Variants in NHSL3 observed in about 807,000 individuals in gnomAD.
The protein encoded by NHSL3 is NHS-like protein 3.
chr1:32,765,702 G>T, the NHSL3 span: 1 of 1,541,896 alleles, frequency 6.5e-7, no homozygotes, highest in Non-Finnish European at 8.7e-7. Context: ...TACAGTGAAG[G>T]TACGCCCCGC....
the NHSL3 span, among the ~76,000 whole-genome samples, chr1:32,761,296 C>T: frequency 3.3e-5 from 5 of 152,136 alleles, no homozygotes; most frequent in African/African-American, 1.2e-4. Context: ...CCTCCCCAAG[C>T]GAGCCACAGG....
the NHSL3 span, among the ~76,000 whole-genome samples, chr1:32,766,096 C>T: frequency 6.6e-6 from 1 of 152,062 alleles, no homozygotes; most frequent in Non-Finnish European, 1.5e-5. Context: ...GCCTCCCTGC[C>T]GGGGTACCCA....
the NHSL3 span, chr1:32,772,488 AG>A: frequency 6.6e-7 from 1 of 1,505,052 alleles, no homozygotes; most frequent in Admixed American, 2.3e-5. Flanking sequence ...GATGATGGGA[AG>A]TAGGAATCTG....
chr1:32,768,669 G>A, the NHSL3 span: 226 of 1,614,010 alleles, frequency 1.4e-4, 1 homozygote, highest in East Asian at 3.3e-4. Flanking sequence ...GGACGGGGCC[G>A]GATGAAGACA....
At chr1:32,772,132 C>G in the NHSL3 span, 1 of 1,613,232 alleles carries the variant, frequency 6.2e-7, no homozygotes. Flanking sequence ...GCAGCTGGAG[C>G]GGCCCGTGTC....
the NHSL3 span, among the ~76,000 whole-genome samples, chr1:32,752,947 AC>A: frequency 4.9e-4 from 1 of 2,028 alleles, no homozygotes. Context: ...ACACACACAC[AC>A]ACATATATAT....
the NHSL3 span, chr1:32,771,407 C>A: frequency 6.3e-7 from 1 of 1,589,360 alleles, no homozygotes; most frequent in Non-Finnish European, 8.6e-7. Context: ...CCCCCACCAC[C>A]CACTAAGAAG....
At chr1:32,752,799 G>C in the NHSL3 span, among the ~76,000 whole-genome samples, 5 of 147,606 alleles carry the variant, frequency 3.4e-5, no homozygotes, top group Non-Finnish European at 7.5e-5. Flanking sequence ...GGCTAGTCTC[G>C]AACTCCTGAC....
At chr1:32,771,102 C>T in the NHSL3 span, 1 of 1,613,790 alleles carries the variant, frequency 6.2e-7, no homozygotes, top group Non-Finnish European at 8.5e-7. Flanking sequence ...CTGACCCAGC[C>T]CCCTCAGACC....
the NHSL3 span, among the ~76,000 whole-genome samples, chr1:32,742,783 G>A: frequency 5.9e-5 from 9 of 152,300 alleles, no homozygotes; most frequent in East Asian, 1.7e-3. Flanking sequence ...TCACCTCCTG[G>A]GGTAGTGAGC....
chr1:32,766,104 C>G, the NHSL3 span, among the ~76,000 whole-genome samples: 1 of 152,158 alleles, frequency 6.6e-6, no homozygotes, highest in East Asian at 1.9e-4. Flanking sequence ...GCCGGGGTAC[C>G]CACACTTTAC....
chr1:32,742,844 T>C, the NHSL3 span, among the ~76,000 whole-genome samples: 1 of 152,292 alleles, frequency 6.6e-6, no homozygotes, highest in East Asian at 1.9e-4. Context: ...CTTCCAGCCC[T>C]GGAGAAACAT....
At chr1:32,753,874 C>T in the NHSL3 span, 2 of 192,896 alleles carry the variant, frequency 1.0e-5, no homozygotes, top group Non-Finnish European at 1.1e-5. Context: ...CCGGGAGGGG[C>T]GGAGCCGACG....
At chr1:32,763,207 C>T in the NHSL3 span, among the ~76,000 whole-genome samples, 19 of 151,958 alleles carry the variant, frequency 1.3e-4, no homozygotes, top group African/African-American at 4.4e-4. Flanking sequence ...TGGTCTTGAA[C>T]TCCTGACCTC....
the NHSL3 span, chr1:32,768,767 A>G: frequency 3.1e-6 from 5 of 1,613,738 alleles, no homozygotes; most frequent in African/African-American, 1.3e-5. Context: ...GAGATGATCC[A>G]GCGCAAAGGT....
At chr1:32,768,838 T>G in the NHSL3 span, 1 of 1,570,202 alleles carries the variant, frequency 6.4e-7, no homozygotes, top group Non-Finnish European at 8.7e-7. Context: ...CTGTAGCTTC[T>G]TTTCCTCCTT....
the NHSL3 span, chr1:32,754,160 G>A: frequency 1.4e-6 from 1 of 711,756 alleles, no homozygotes; most frequent in Non-Finnish European, 2.6e-6. Context: ...CGGTTCGGGC[G>A]GTCGGCGAAG....
the NHSL3 span, chr1:32,771,666 C>CG: frequency 1.2e-6 from 2 of 1,610,868 alleles, no homozygotes; most frequent in Non-Finnish European, 1.7e-6. Flanking sequence ...AGATTCAGCC[C>CG]CCGGGTAGCC....
the NHSL3 span, chr1:32,772,290 C>CAA: frequency 1.3e-6 from 2 of 1,593,318 alleles, no homozygotes; most frequent in African/African-American, 1.3e-5. Flanking sequence ...CCCCACCCGC[C>CAA]TCCCCCAGTT....
Sources: gnomAD v4.1 joint callset for allele counts (sites outside exome capture counted in the v4.1 genomes callset) on GRCh38, gnomAD v4.1.1 for gene constraint, MANE v1.5 for transcripts, NCBI Gene and HGNC (gene_info 2026-07-23, HGNC 2026-07-21) for gene names.